HIVEP2: variants seen among roughly 807,000 people sequenced by gnomAD.
HIVEP2 encodes transcription factor HIVEP2.
A neutral mutation model predicts 180.7 loss-of-function variants in HIVEP2; 14 were observed. The ratio of observed to expected loss-of-function variants is 0.08; its 90% confidence interval spans 0.05 to 0.12. The LOEUF (loss-of-function observed/expected upper bound fraction) is 0.12, where lower values mean the gene tolerates loss of function less well. Ranked by LOEUF, HIVEP2 falls within the 10% of genes least tolerant of loss-of-function variation. HIVEP2 has a pLI of 1.00. For missense variants in HIVEP2, 2,579 were observed against 3,008.5 expected, an observed-to-expected ratio of 0.86 and a Z score of 3.34; for synonymous variants, 1,184 against 1,136.4, an observed-to-expected ratio of 1.04 and a Z score of -0.84.
At chr6:142,910,248 G>T (rs749751329) in intron 1 of HIVEP2, among the ~76,000 whole-genome samples, 4 of 152,200 alleles carry the variant, frequency 2.6e-5, no homozygotes, top group Non-Finnish European at 5.9e-5. Flanking sequence ...CATTTAAGAA[G>T]ATAATTTAAA....
In HIVEP2 at chr6:142,771,378, G is replaced by T. The variant is rs1775537227; in HGVS notation, c.3361C>A (p.His1121Asn). The T allele has an allele frequency of 6.2e-7, 1 of 1,612,836 alleles. No homozygotes were observed. The highest frequency in any genetic ancestry group is 1.3e-5 in the African/African-American group (1 of 74,938). The part of the protein sequence containing the change: ...LHAGLRSGWH[H>N]GPPAVLPPLQ... Reference sequence around the variant, plus strand: ...GGAGGCAGCACAGCAGGCGGGCCATGGTGCCACCCGGACCGGAGGCCAGCA... The same window carrying T: ...GGAGGCAGCACAGCAGGCGGGCCATTGTGCCACCCGGACCGGAGGCCAGCA... Residue 1121 changes from histidine (H) to asparagine (N), a missense_variant, in exon 5 of 10, where the codon CAT becomes AAT. By Grantham distance (68) the His-to-Asn change is moderately conservative (BLOSUM62 1). This residue lies in a region of HIVEP2 where 523 missense variants were observed against 577.0 expected (regional missense o/e 0.91). Transcript: ENST00000367603. This position sits in a 1 kb window ranked among gnomAD's most constrained non-coding sequence, Gnocchi z 5.4.
chr6:142,828,072 T>C (rs1019399217), intron 2 of HIVEP2, among the ~76,000 whole-genome samples: 1 of 152,194 alleles, frequency 6.6e-6, no homozygotes, highest in Non-Finnish European at 1.5e-5. Context: ...CATTGGTCCT[T>C]TCTTAGATCA....
chr6:142,893,761 T>C (rs1776916570), intron 1 of HIVEP2, among the ~76,000 whole-genome samples: 1 of 152,170 alleles, frequency 6.6e-6, no homozygotes, highest in Admixed American at 6.5e-5. Context: ...TTAACCTGTT[T>C]CACCTGCATT....
chr6:142,783,350 A>AAAAAAC (rs1775905305), intron 3 of HIVEP2, among the ~76,000 whole-genome samples, 171 bp downstream of exon 3: 2 of 146,796 alleles, frequency 1.4e-5, no homozygotes, highest in African/African-American at 2.5e-5. Flanking sequence ...AAAAAAAAAA[A>AAAAAAC]AGACTAGTCT....
intron 2 of HIVEP2, among the ~76,000 whole-genome samples, chr6:142,822,999 C>T (rs1433715539): frequency 6.6e-6 from 1 of 152,210 alleles, no homozygotes; most frequent in African/African-American, 2.4e-5. Flanking sequence ...AAAGTCCCAA[C>T]TAAGTATATC....
chr6:142,910,301 C>A (rs1372034986), intron 1 of HIVEP2, among the ~76,000 whole-genome samples: 1 of 152,204 alleles, frequency 6.6e-6, no homozygotes, highest in Non-Finnish European at 1.5e-5. Context: ...CTCTCATTCT[C>A]TTCTAAAATA....
Position 142,753,406 on chromosome 6 carries a change from G to A in HIVEP2, c.7042C>T (p.Pro2348Ser). Residue 2348 changes from proline to serine, a missense_variant, in exon 10 of 10, where the codon CCA becomes TCA. By Grantham distance (74) the Pro-to-Ser change is moderately conservative. Transcript: ENST00000367603. The stretch of plus-strand genomic sequence containing the variant: ...TCCTGCACCCGCGCTGGCTGATCTG[G>A]CCCGAGCAGAGCTGCCTCTTCCGTG... The part of the protein sequence containing the change: ...IATEEAALLG[P>S]DQPARVQEPH... The A allele has an allele frequency of 6.2e-7, 1 of 1,613,950 alleles. No homozygotes were observed. The highest frequency in any genetic ancestry group is 1.1e-5 in the South Asian group (1 of 91,086).
chr6:142,810,784 A>C (rs1350769937), intron 2 of HIVEP2, among the ~76,000 whole-genome samples: 5 of 151,916 alleles, frequency 3.3e-5, no homozygotes, highest in East Asian at 1.9e-4. Flanking sequence ...AAAAAACAAA[A>C]AAAGAAAGAA....
intron 8 of HIVEP2, among the ~76,000 whole-genome samples, 199 bp downstream of exon 8, chr6:142,761,265 C>T (rs377126521): frequency 7.9e-5 from 12 of 152,038 alleles, no homozygotes; most frequent in East Asian, 1.9e-4. Flanking sequence ...TTTTTGCCCT[C>T]GGAGTCAAAA....
chr6:142,837,072 A>G (rs909271115), intron 1 of HIVEP2, 25 bp from the exon 2 acceptor site: 1 of 152,144 alleles, frequency 6.6e-6, no homozygotes, highest in Non-Finnish European at 1.5e-5. Context: ...ACAAAGAACT[A>G]CATTTAAACC....
At chr6:142,897,738 T>G (rs1582950213) in intron 1 of HIVEP2, among the ~76,000 whole-genome samples, 1 of 152,216 alleles carries the variant, frequency 6.6e-6, no homozygotes, top group Non-Finnish European at 1.5e-5. Flanking sequence ...AGAATGCTGA[T>G]AATGTTCAAA....
intron 2 of HIVEP2, chr6:142,794,077 G>A (rs1039871484): frequency 3.3e-5 from 5 of 152,110 alleles, no homozygotes; most frequent in African/African-American, 1.2e-4. Flanking sequence ...TAGCTTTATA[G>A]ACACTACATT....
At position 142,773,609 on chromosome 6, in the gene HIVEP2, T is replaced by G. The variant is rs747766097; in HGVS notation, c.1130A>C (p.Lys377Thr). The G allele has an allele frequency of 6.2e-7, 1 of 1,614,210 alleles. No homozygotes were observed. Among genetic ancestry groups the G allele is most frequent in the South Asian group, 1.1e-5 (1 of 91,086 alleles). ...GAGCGATGGCTCAGAATCTTGTCCT[T>G]TTTTCTCTGACAGTCTTAGTGCAAG... ...QKLALRLSEK[K>T]GQDSEPSLNL... is the part of the protein sequence containing the mutation. Residue 377 changes from lysine (K) to threonine (T), a missense_variant, in exon 5 of 10, where the codon AAA (lysine) becomes ACA (threonine). Physicochemically the swap from Lys to Thr is moderately conservative, Grantham distance 78. Around this residue, in one of 11 missense-constraint regions of HIVEP2, gnomAD observed 47 missense variants for 92.5 expected, o/e 0.51. Coordinates refer to ENST00000367603, the MANE Select transcript of HIVEP2 (RefSeq NM_006734.4).
At chr6:142,915,063 A>T (rs369341757) in intron 1 of HIVEP2, among the ~76,000 whole-genome samples, 52 of 152,216 alleles carry the variant, frequency 3.4e-4, no homozygotes, top group Middle Eastern at 3.4e-3. Context: ...TTTGAACCTC[A>T]CTGGACACAA....
At chr6:142,845,839 C>T (rs1484867438) in intron 1 of HIVEP2, among the ~76,000 whole-genome samples, 2 of 152,240 alleles carry the variant, frequency 1.3e-5, no homozygotes, top group Non-Finnish European at 2.9e-5. Context: ...GAGAGGCCCT[C>T]CCCCGGACAA....
chr6:142,758,372 C>G (rs1775133783), intron 9 of HIVEP2, among the ~76,000 whole-genome samples: 1 of 152,114 alleles, frequency 6.6e-6, no homozygotes, highest in African/African-American at 2.4e-5. Flanking sequence ...GAAAAAATGA[C>G]AGGCTGAGCT....
Position 142,923,410 on chromosome 6 carries a change from A to T in HIVEP2, c.-641+21689T>A, listed in dbSNP as rs1317443354. ...AACCAAAATATAACAGATGACATTT[A>T]AAAATAAGATAGTTAATGCTACCTA... On this transcript the variant is annotated intron_variant, in intron 1 of 9. Coordinates refer to ENST00000367603, the MANE Select transcript of HIVEP2 (RefSeq NM_006734.4). Among the ~76,000 whole-genome samples the T allele has an allele frequency of 3.3e-5, 5 of 152,200 alleles. No individual in the cohort carries two copies. The East Asian group carries it at 9.6e-4, about 29-fold the overall frequency.
intron 2 of HIVEP2, among the ~76,000 whole-genome samples, chr6:142,785,309 CAAAAAAA>C (rs57458259): frequency 1.4e-3 from 90 of 65,374 alleles, no homozygotes; most frequent in Admixed American, 1.6e-3. Flanking sequence ...TGGCATTCCT[CAAAAAAA>C]AAAAAAAAAA....
intron 1 of HIVEP2, among the ~76,000 whole-genome samples, chr6:142,843,430 C>T (rs754118854): frequency 2.0e-5 from 3 of 152,120 alleles, no homozygotes; most frequent in Non-Finnish European, 4.4e-5. Context: ...GAGTTGAGAA[C>T]AGGAAGAGTT....
Sources: allele counts gnomAD v4.1 joint callset (sites outside exome capture counted in the v4.1 genomes callset), GRCh38; gene constraint gnomAD v4.1.1; regional missense constraint gnomAD v4.1.1; non-coding constraint Gnocchi (gnomAD v3.1); transcripts MANE v1.5; gene names NCBI Gene and HGNC (gene_info 2026-07-23, HGNC 2026-07-21).